Variants in PCGF5 observed in about 807,000 individuals in gnomAD.
PCGF5 encodes the protein polycomb group ring finger 5.
PCGF5 carries 9 observed loss-of-function variants against 44.3 expected under a neutral mutation model. The observed-to-expected ratio is 0.20, with a 90% CI of 0.12 to 0.35. The LOEUF (loss-of-function observed/expected upper bound fraction) is 0.35, where lower values mean the gene tolerates loss of function less well. Ranked by LOEUF, PCGF5 falls within the 10% of genes least tolerant of loss-of-function variation. The pLI, the probability that PCGF5 is intolerant of heterozygous loss-of-function variation, is 1.00. For missense variants in PCGF5, 146 were observed against 305.3 expected, an observed-to-expected ratio of 0.48 and a Z score of 3.89; for synonymous variants, 95 against 102.5, an observed-to-expected ratio of 0.93 and a Z score of 0.44.
chr10:91,272,194 G>T (rs1846195660), intron 9 of PCGF5, among the ~76,000 whole-genome samples: 1 of 152,202 alleles, frequency 6.6e-6, no homozygotes, highest in Admixed American at 6.5e-5. Context: ...AATGCACTAA[G>T]AAAAGTTGAA....
intron 9 of PCGF5, among the ~76,000 whole-genome samples, chr10:91,277,631 A>G (rs559211137): frequency 2.0e-5 from 3 of 152,366 alleles, no homozygotes; most frequent in African/African-American, 7.2e-5. Context: ...TATTTTATGT[A>G]ATAGTCAAAT....
chr10:91,204,696 C>T (rs544331120), intron 1 of PCGF5, among the ~76,000 whole-genome samples: 2 of 152,220 alleles, frequency 1.3e-5, no homozygotes, highest in African/African-American at 4.8e-5. Flanking sequence ...ACAAAAGTTC[C>T]CCACTGCCAA....
intron 9 of PCGF5, among the ~76,000 whole-genome samples, chr10:91,277,129 G>C (rs371682306): frequency 3.7e-4 from 57 of 152,186 alleles, no homozygotes; most frequent in African/African-American, 1.4e-3. Context: ...GCAAGACCTA[G>C]GGCATTTGTA....
chr10:91,252,816 G>T (rs549078626), intron 6 of PCGF5, among the ~76,000 whole-genome samples: 1 of 152,072 alleles, frequency 6.6e-6, no homozygotes, highest in East Asian at 1.9e-4. Flanking sequence ...CCACTTCTCT[G>T]CATGATTTCT....
At chr10:91,170,792 A>G (rs1843590443) in intron 1 of PCGF5, among the ~76,000 whole-genome samples, 2 of 152,240 alleles carry the variant, frequency 1.3e-5, no homozygotes, top group African/African-American at 4.8e-5. Context: ...ACTTGTGGCC[A>G]CACAGAAACC....
intron 1 of PCGF5, among the ~76,000 whole-genome samples, chr10:91,221,105 C>G (rs1844663412): frequency 6.6e-6 from 1 of 151,452 alleles, no homozygotes; most frequent in Non-Finnish European, 1.5e-5. Flanking sequence ...GGGGCCTGGG[C>G]CCGCGCACCT....
the PCGF5 span, among the ~76,000 whole-genome samples, chr10:91,157,956 C>T: frequency 1.5e-4 from 23 of 152,270 alleles, no homozygotes; most frequent in African/African-American, 4.6e-4. Context: ...ATTCAAGAGG[C>T]AGTGAGTGAT....
intron 8 of PCGF5, 121 bp from the exon 9 acceptor site, chr10:91,271,517 G>A (rs1443297551): frequency 8.5e-6 from 6 of 705,212 alleles, no homozygotes; most frequent in Admixed American, 3.0e-5. Context: ...TTTGGAAAGT[G>A]TTTATTTACC....
chr10:91,203,100 TACC>T (rs1844282556), intron 1 of PCGF5, among the ~76,000 whole-genome samples: 1 of 152,212 alleles, frequency 6.6e-6, no homozygotes, highest in South Asian at 2.1e-4. Context: ...AGCCACAATC[TACC>T]AGCAAACCCC....
chr10:91,234,162 A>T (rs1161671026), intron 2 of PCGF5, among the ~76,000 whole-genome samples: 1 of 152,234 alleles, frequency 6.6e-6, no homozygotes, highest in Admixed American at 6.5e-5. Context: ...TGAAAATAGG[A>T]AATAGGATAG....
chr10:91,158,992 G>A (rs1156764572), upstream of PCGF5, among the ~76,000 whole-genome samples: 1 of 152,192 alleles, frequency 6.6e-6, no homozygotes, highest in Non-Finnish European at 1.5e-5. Context: ...GATTGCTGAG[G>A]ACTGGTGGGG....
At chr10:91,208,688 T>A (rs74149087) in intron 1 of PCGF5, among the ~76,000 whole-genome samples, 1,932 of 152,298 alleles carry the variant, frequency 0.013, 35 homozygotes, top group African/African-American at 0.044. Flanking sequence ...CCCCACCTGC[T>A]TGAGTCCCAG....
At chr10:91,181,922 A>C (rs10881898) in intron 1 of PCGF5, among the ~76,000 whole-genome samples, 58,846 of 152,022 alleles carry the variant, frequency 0.39, 11,976 homozygotes, top group East Asian at 0.61. Context: ...GTTTTTTGGA[A>C]TATTTCCAGT....
chr10:91,162,524 AT>A (rs1843404389), upstream of PCGF5, among the ~76,000 whole-genome samples: 1 of 152,058 alleles, frequency 6.6e-6, no homozygotes, highest in African/African-American at 2.4e-5. Flanking sequence ...AGGCTGTACG[AT>A]TCGAAGTCTC....
intron 1 of PCGF5, among the ~76,000 whole-genome samples, chr10:91,179,774 T>C (rs780234280): frequency 9.9e-5 from 15 of 152,214 alleles, no homozygotes; most frequent in Non-Finnish European, 2.1e-4. Flanking sequence ...TTTGATTCCA[T>C]GTCTTTGCTA....
At chr10:91,249,416 TA>T in intron 5 of PCGF5, among the ~76,000 whole-genome samples, 1 of 72,914 alleles carries the variant, frequency 1.4e-5, no homozygotes, top group African/African-American at 4.7e-5. Context: ...TATATATATA[TA>T]TATGTATAAA....
At chr10:91,197,082 G>C (rs1844146826) in intron 1 of PCGF5, among the ~76,000 whole-genome samples, 1 of 152,220 alleles carries the variant, frequency 6.6e-6, no homozygotes, top group Non-Finnish European at 1.5e-5. Context: ...GGCATGTCCT[G>C]GTTGTCTAAA....
intron 1 of PCGF5, among the ~76,000 whole-genome samples, chr10:91,197,629 G>T (rs1234683240): frequency 1.3e-5 from 2 of 152,176 alleles, no homozygotes; most frequent in African/African-American, 2.4e-5. Context: ...AAGGGCTAAT[G>T]GTGGTAGAGA....
rs963898378 is a variant in PCGF5, at chr10:91,206,004, G to A, written c.-183-16685G>A. ...ACCACTGCACTCCGACCTGGGTGAC[G>A]GACCGCGACTCTGTCAAAAAACAAA... On this transcript the variant is annotated intron_variant, in intron 1 of 9. Transcript: ENST00000614189. Among the ~76,000 whole-genome samples, 126 of 152,042 alleles carry A rather than the reference G, an allele frequency of 8.3e-4. 1 individual carries two copies. The highest frequency in any genetic ancestry group is 2.8e-3 in the African/African-American group (114 of 41,400).
Sources: gnomAD v4.1 joint callset for allele counts (sites outside exome capture counted in the v4.1 genomes callset) on GRCh38, gnomAD v4.1.1 for gene constraint, MANE v1.5 for transcripts, NCBI Gene and HGNC (gene_info 2026-07-23, HGNC 2026-07-21) for gene names.